The following DNPH1 variants were observed in gnomAD, a reference collection of about 807,000 sequenced individuals.
The protein encoded by DNPH1 is 5-hydroxymethyl-dUMP N-hydrolase.
Under a neutral mutation model 15.7 loss-of-function variants are expected in DNPH1, and 18 were observed. That is an observed-to-expected ratio of 1.15 (90% confidence interval 0.79 to 1.70). The LOEUF (loss-of-function observed/expected upper bound fraction) is 1.70, where lower values mean the gene tolerates loss of function less well. DNPH1 is among the 40% of genes most tolerant of loss of function. DNPH1 has a pLI of 0.00. For missense variants in DNPH1, 262 were observed against 255.2 expected (o/e 1.03, Z -0.18); for synonymous variants, 114 against 107.9 (o/e 1.06, Z -0.35).
chr6:43,227,952 T>G (rs1222005755), intron 1 of DNPH1, among the ~76,000 whole-genome samples: 1 of 152,022 alleles, frequency 6.6e-6, no homozygotes, highest in African/African-American at 2.4e-5. Context: ...TAACCAGGTA[T>G]GGCGGCACAC....
In DNPH1 at chr6:43,226,504, G is replaced by T; in HGVS notation, c.197-109C>A. The T allele has an allele frequency of 1.1e-6, 1 of 951,960 alleles. No individual in the cohort carries two copies. The highest frequency in any genetic ancestry group is 1.5e-6 in the Non-Finnish European group (1 of 653,436). The allele number at this position is 951,960 out of a possible 1,614,324, so 59.0% of individuals were successfully genotyped here. On this transcript the variant is annotated intron_variant, in intron 1 of 3. Coordinates refer to ENST00000230431, the MANE Select transcript of DNPH1 (RefSeq NM_006443.3). The surrounding 1 kb of genome is among the most constrained non-coding windows in gnomAD (Gnocchi z 4.1). ...TGCTCAGGGAGGGTGGGAGCCTTGTGCCAGATGACCTGACCAAACATGACA... is the reference window on the plus strand; with the variant it reads ...TGCTCAGGGAGGGTGGGAGCCTTGTTCCAGATGACCTGACCAAACATGACA...
chr6:43,228,763 T>C (rs1325498841), intron 1 of DNPH1, among the ~76,000 whole-genome samples: 1 of 143,858 alleles, frequency 7.0e-6, no homozygotes, highest in Admixed American at 6.9e-5. Flanking sequence ...GAGGTCGAGG[T>C]TGCAGTGAGC....
In DNPH1 at chr6:43,225,789, A is replaced by G; in HGVS notation, c.469T>C (p.Tyr157His). The change falls in exon 4 of 4, where the codon TAC becomes CAC. Residue 157 changes from tyrosine (Y) to histidine (H), a missense_variant. Transcript: ENST00000230431. ...EGEVEALLDR[Y>H]FEADPPGQVA... ...TGCCCTGGAGGATCAGCCTCGAAGT[A>G]TCGATCCAGCAGGGCCTCCACCTCT... 1 of 1,614,162 alleles carries G rather than the reference A, an allele frequency of 6.2e-7. No homozygotes were observed. Among genetic ancestry groups the G allele is most frequent in the Non-Finnish European group, 8.5e-7 (1 of 1,180,036 alleles).
intron 1 of DNPH1, among the ~76,000 whole-genome samples, chr6:43,228,553 C>T (rs545774584): frequency 9.9e-5 from 15 of 151,596 alleles, no homozygotes; most frequent in Non-Finnish European, 1.6e-4. Context: ...AGGCCCTGGG[C>T]GGTGGCTCCT....
In DNPH1 at chr6:43,229,449, G is replaced by A. The variant is rs1218299901; in HGVS notation, c.8C>T (p.Ala3Val). The A allele has an allele frequency of 2.3e-6, 3 of 1,321,006 alleles. No homozygotes were observed. The highest frequency in any genetic ancestry group is 2.1e-5 in the South Asian group (1 of 47,776). 81.8% of individuals were successfully genotyped at this position (1,321,006 alleles called of 1,614,324 possible). A position where few individuals can be genotyped will look rare whatever the true frequency, so the allele number is the denominator to read the frequency against. The change falls in exon 1 of 4, where the codon GCT (alanine) becomes GTT (valine). Residue 3 changes from alanine (A) to valine (V), a missense_variant. Ala to Val is a moderately conservative substitution (Grantham distance 64). Coordinates refer to ENST00000230431, the MANE Select transcript of DNPH1 (RefSeq NM_006443.3). The part of the protein sequence containing the change: MA[A>V]AMVPGRSESW... Reference sequence around the variant, plus strand: ...CTCGCTGCGCCCCGGCACCATGGCAGCAGCCATTCCCCAGCCGCCCGCGCT... The same window carrying A: ...CTCGCTGCGCCCCGGCACCATGGCAACAGCCATTCCCCAGCCGCCCGCGCT...
chr6:43,229,095 T>A, intron 1 of DNPH1, 166 bp downstream of exon 1: 1 of 712,264 alleles, frequency 1.4e-6, no homozygotes, highest in Non-Finnish European at 2.2e-6. Context: ...CCCCGGCCCG[T>A]TTCCTTCTCG....
chr6:43,229,308 C>T lies in DNPH1; in HGVS notation c.149G>A (p.Gly50Glu). 6.7e-7 allele frequency: 1 copy of T among 1,482,780 alleles called. No individual in the cohort carries two copies. Among genetic ancestry groups the T allele is most frequent in the Non-Finnish European group, 8.9e-7 (1 of 1,119,792 alleles). 91.9% of individuals were successfully genotyped at this position (1,482,780 alleles called of 1,614,324 possible). The change falls in exon 1 of 4, where the codon GGG (glycine) becomes GAG (glutamate). Residue 50 changes from glycine to glutamate, a missense_variant. By Grantham distance (98) the Gly-to-Glu change is moderately conservative (BLOSUM62 -2). Coordinates refer to ENST00000230431, the MANE Select transcript of DNPH1 (RefSeq NM_006443.3). ...CGCCACGTGCTCGGTGAGCACTGTCCCGAATCGCCGCAGCCGAGACACGAT... is the reference window on the plus strand; with the variant it reads ...CGCCACGTGCTCGGTGAGCACTGTCTCGAATCGCCGCAGCCGAGACACGAT... Reference protein sequence around the residue: ...ERIVSRLRRFGTVLTEHVAAA... With the variant: ...ERIVSRLRRFETVLTEHVAAA...
In DNPH1 at chr6:43,225,843, G is replaced by A. The variant is rs768465761; in HGVS notation, c.415C>T (p.Arg139Trp). ...AMIRGAADGS[R>W]FQVWDYEEGE... ...TCCTCATAGTCCCACACCTGGAACCGAGAGCCATCTGCTGCTCCCCGGATC... is the reference window on the plus strand; with the variant it reads ...TCCTCATAGTCCCACACCTGGAACCAAGAGCCATCTGCTGCTCCCCGGATC... Residue 139 changes from arginine to tryptophan, a missense_variant, in exon 4 of 4, where the codon CGG (arginine) becomes TGG (tryptophan). Physicochemically the swap from Arg to Trp is moderately radical, Grantham distance 101. Coordinates refer to ENST00000230431, the MANE Select transcript of DNPH1 (RefSeq NM_006443.3). 1.9e-5 allele frequency: 31 copies of A among 1,614,044 alleles called. No individual in the cohort carries two copies. Among genetic ancestry groups the A allele is most frequent in the South Asian group, 1.2e-4 (11 of 91,084 alleles).
In DNPH1 at chr6:43,226,633, A is replaced by G. The variant is rs1776748027; in HGVS notation, c.197-238T>C. 1.9e-6 allele frequency: 1 copy of G among 539,542 alleles called. No individual in the cohort carries two copies. The highest frequency in any genetic ancestry group is 3.3e-6 in the Non-Finnish European group (1 of 305,540). 33.4% of individuals were successfully genotyped at this position (539,542 alleles called of 1,614,324 possible). On this transcript the variant is annotated intron_variant, in intron 1 of 3. Coordinates refer to ENST00000230431, the MANE Select transcript of DNPH1 (RefSeq NM_006443.3). The surrounding 1 kb of genome is among the most constrained non-coding windows in gnomAD (Gnocchi z 4.1). ...GGGCCGAATGAGGAACATCAGCAGC[A>G]CTAACTGTGGATGACATTGATTAGG...
chr6:43,225,777 C>G lies in DNPH1; in HGVS notation c.481G>C (p.Asp161His). The stretch of plus-strand genomic sequence containing the variant: ...GAGGCAGCCACCTGCCCTGGAGGAT[C>G]AGCCTCGAAGTATCGATCCAGCAGG... ...EALLDRYFEA[D>H]PPGQVAASPD... Residue 161 changes from aspartate (D) to histidine (H), a missense_variant, in exon 4 of 4, where the codon GAT becomes CAT. Asp to His is a moderately conservative substitution (Grantham distance 81, BLOSUM62 -1). Coordinates refer to ENST00000230431, the MANE Select transcript of DNPH1 (RefSeq NM_006443.3). 6.2e-7 allele frequency: 1 copy of G among 1,614,214 alleles called. No homozygotes were observed.
intron 1 of DNPH1, among the ~76,000 whole-genome samples, chr6:43,227,341 G>A (rs1776757956): frequency 6.6e-6 from 1 of 152,144 alleles, no homozygotes; most frequent in African/African-American, 2.4e-5. Flanking sequence ...CTTGAACCTG[G>A]GAGGAGGAGG....
intron 1 of DNPH1, among the ~76,000 whole-genome samples, chr6:43,227,280 T>A (rs1776757024): frequency 6.6e-6 from 1 of 151,900 alleles, no homozygotes; most frequent in Non-Finnish European, 1.5e-5. Context: ...CCAGGCGTGG[T>A]AGCAGGCGCC....
In DNPH1 at chr6:43,229,473, C is replaced by G. The variant is rs568605728; in HGVS notation, c.-17G>C. The stretch of plus-strand genomic sequence containing the variant: ...AGCAGCCATTCCCCAGCCGCCCGCG[C>G]TCTCCGGCGCCAGGGGGCGCCAGCC... On this transcript the variant is annotated 5_prime_UTR_variant, in exon 1 of 4. Transcript: ENST00000230431. 133 of 1,285,710 alleles carry G rather than the reference C, an allele frequency of 1.0e-4. 2 individuals carry two copies. The South Asian group carries it at 2.7e-3, about 26-fold the overall frequency. 79.6% of individuals were successfully genotyped at this position (1,285,710 alleles called of 1,614,324 possible).
chr6:43,226,068 C>T lies in DNPH1; in HGVS notation c.341G>A (p.Arg114Gln), dbSNP rs763494634. The T allele has an allele frequency of 1.2e-5, 20 of 1,613,664 alleles. No homozygotes were observed. In the East Asian group the frequency reaches 1.6e-4, roughly 13 times the overall value. ...CTGCGGGCGGAACAGGCACAGGATC[C>T]GCTTGTTAAAGGCCACGGCCCGGCC... The part of the protein sequence containing the change: ...ELGRAVAFNK[R>Q]ILCLFRPQSG... The change falls in exon 3 of 4, where the codon CGG (arginine) becomes CAG (glutamine). Residue 114 changes from arginine (R) to glutamine (Q), a missense_variant. Physicochemically the swap from Arg to Gln is conservative, Grantham distance 43. Coordinates refer to ENST00000230431, the MANE Select transcript of DNPH1 (RefSeq NM_006443.3). This position sits in a 1 kb window ranked among gnomAD's most constrained non-coding sequence, Gnocchi z 4.1.
chr6:43,228,889 G>A (rs1464513485), intron 1 of DNPH1, among the ~76,000 whole-genome samples: 2 of 152,184 alleles, frequency 1.3e-5, no homozygotes, highest in Admixed American at 1.3e-4. Context: ...TTTCGTGTTG[G>A]GTGGTGGAAA....
Position 43,226,805 on chromosome 6 carries a change from G to A in DNPH1, c.197-410C>T, listed in dbSNP as rs1050236331. On this transcript the variant is annotated intron_variant, in intron 1 of 3. Coordinates refer to ENST00000230431, the MANE Select transcript of DNPH1 (RefSeq NM_006443.3). The surrounding 1 kb of genome is among the most constrained non-coding windows in gnomAD (Gnocchi z 4.1). ...TCAGGGTAGGACCACTGGGGAGCTT[G>A]TTAGAAGTACAGATTCCAGGGCCAG... Among the ~76,000 whole-genome samples the A allele has an allele frequency of 2.6e-5, 4 of 152,178 alleles. No homozygotes were observed. The highest frequency in any genetic ancestry group is 9.6e-5 in the African/African-American group (4 of 41,452).
rs1303058720 is a variant in DNPH1, at chr6:43,228,100, CTAAA to C, written c.196+1157_196+1160del. ...AACAAGACTGTTTCCAAATAAATAA[CTAAA>C]TAAATAGAAAGAGAAAGAAAAACCC... On this transcript the variant is annotated intron_variant, in intron 1 of 3. Coordinates refer to ENST00000230431, the MANE Select transcript of DNPH1 (RefSeq NM_006443.3). 3.3e-5 allele frequency among the ~76,000 whole-genome samples: 5 copies of C among 150,400 alleles called. No individual in the cohort carries two copies. In the East Asian group the frequency reaches 9.7e-4, roughly 29 times the overall value.
chr6:43,227,901 C>T (rs1776766565), intron 1 of DNPH1, among the ~76,000 whole-genome samples: 1 of 151,838 alleles, frequency 6.6e-6, no homozygotes, highest in Non-Finnish European at 1.5e-5. Context: ...ACCAGCCTGG[C>T]CAACATGGCA....
Position 43,226,833 on chromosome 6 carries a change from G to A in DNPH1, c.197-438C>T, listed in dbSNP as rs150894975. On this transcript the variant is annotated intron_variant, in intron 1 of 3. Coordinates refer to ENST00000230431, the MANE Select transcript of DNPH1 (RefSeq NM_006443.3). The surrounding 1 kb of genome is among the most constrained non-coding windows in gnomAD (Gnocchi z 4.1). ...AGAAGTACAGATTCCAGGGCCAGGC[G>A]CGGTGGCTCATGCCTGTAATCCCAG... 8.0e-3 allele frequency among the ~76,000 whole-genome samples: 1,212 copies of A among 152,344 alleles called. 11 individuals carry two copies. Among genetic ancestry groups the A allele is most frequent in the African/African-American group, 0.027 (1,119 of 41,572 alleles).
Sources: allele counts gnomAD v4.1 joint callset (sites outside exome capture counted in the v4.1 genomes callset), GRCh38; gene constraint gnomAD v4.1.1; non-coding constraint Gnocchi (gnomAD v3.1); transcripts MANE v1.5; gene names NCBI Gene and HGNC (gene_info 2026-07-23, HGNC 2026-07-21).